Variants in MEIS2 observed in about 807,000 individuals in gnomAD.
MEIS2 encodes Meis homeobox 2.
In MEIS2, 9 loss-of-function variants were observed where a neutral mutation model predicts 58.6. The observed-to-expected ratio is 0.15, with a 90% CI of 0.09 to 0.27. The LOEUF (loss-of-function observed/expected upper bound fraction) is 0.27, where lower values mean the gene tolerates loss of function less well. Ranked by LOEUF, MEIS2 falls within the 10% of genes least tolerant of loss-of-function variation. The pLI, the probability that MEIS2 is intolerant of heterozygous loss-of-function variation, is 1.00. For missense variants in MEIS2, 427 were observed against 635.0 expected, an observed-to-expected ratio of 0.67 and a Z score of 3.52; for synonymous variants, 221 against 228.4, an observed-to-expected ratio of 0.97 and a Z score of 0.29.
chr15:37,089,802 A>ACTTTACATGTAATAT (rs560489793), intron 6 of MEIS2, among the ~76,000 whole-genome samples: 3 of 152,144 alleles, frequency 2.0e-5, no homozygotes, highest in African/African-American at 4.8e-5. Context: ...ATTTGTCTGA[A>ACTTTACATGTAATAT]CTTTACATGT....
intron 7 of MEIS2, among the ~76,000 whole-genome samples, chr15:37,079,036 T>C (rs973023893): frequency 1.3e-5 from 2 of 152,150 alleles, no homozygotes; most frequent in Admixed American, 1.3e-4. Flanking sequence ...CTTCTAATGG[T>C]TACTACTCTA....
chr15:36,902,867 A>G (rs1359966737), intron 9 of MEIS2, among the ~76,000 whole-genome samples: 1 of 152,188 alleles, frequency 6.6e-6, no homozygotes, highest in African/African-American at 2.4e-5. Flanking sequence ...GGCCAGTAAA[A>G]TGTTTTTGTG....
chr15:36,976,306 G>A (rs574742683), intron 8 of MEIS2, among the ~76,000 whole-genome samples: 31 of 151,698 alleles, frequency 2.0e-4, no homozygotes, highest in East Asian at 9.7e-4. Context: ...GGCTGGTCTC[G>A]AACTCCTGAC....
At chr15:36,985,003 T>C (rs1401932279) in intron 8 of MEIS2, among the ~76,000 whole-genome samples, 1 of 152,192 alleles carries the variant, frequency 6.6e-6, no homozygotes, top group Non-Finnish European at 1.5e-5. Context: ...TTGTCAATTT[T>C]GTTCCTTTTC....
At chr15:37,024,867 A>G (rs1485568069) in intron 8 of MEIS2, among the ~76,000 whole-genome samples, 2 of 152,206 alleles carry the variant, frequency 1.3e-5, no homozygotes, top group Non-Finnish European at 2.9e-5. Context: ...ACAAAGAACA[A>G]AGATGCCCAA....
chr15:37,094,509 G>A lies in MEIS2; in HGVS notation c.489+18C>T, dbSNP rs752581256. The A allele has an allele frequency of 3.1e-6, 5 of 1,611,178 alleles. No individual in the cohort carries two copies. In the South Asian group the frequency reaches 4.4e-5, roughly 14 times the overall value. The stretch of plus-strand genomic sequence containing the variant: ...GGAAATGGTTTAATCAACACGGGGA[G>A]CGTTATTTCCTGCTTACCTTTTCTA... On this transcript the variant is annotated intron_variant, in intron 5 of 11. Coordinates refer to ENST00000561208, the MANE Select transcript of MEIS2 (RefSeq NM_170675.5).
chr15:37,049,633 T>G (rs2062825374), intron 7 of MEIS2, among the ~76,000 whole-genome samples: 1 of 151,900 alleles, frequency 6.6e-6, no homozygotes, highest in South Asian at 2.1e-4. Flanking sequence ...ACTACTGGTG[T>G]GCGCCACCAT....
At chr15:36,994,398 C>T (rs538346489) in intron 8 of MEIS2, among the ~76,000 whole-genome samples, 4 of 152,256 alleles carry the variant, frequency 2.6e-5, no homozygotes, top group Middle Eastern at 3.4e-3. Flanking sequence ...TATAATTGGT[C>T]GGATAGTCTT....
chr15:36,954,314 C>A (rs1290325121), intron 8 of MEIS2, among the ~76,000 whole-genome samples: 1 of 151,090 alleles, frequency 6.6e-6, no homozygotes, highest in East Asian at 1.9e-4. Context: ...CAAAAAAAAT[C>A]TGGAAAAATA....
rs2055805789 is a variant in MEIS2, at chr15:36,890,594, A to ATGTAGTAAG, written c.*1578_*1579insCTTACTACA. 6.6e-6 allele frequency: 1 copy of ATGTAGTAAG among 152,186 alleles called. No individual in the cohort carries two copies. The highest frequency in any genetic ancestry group is 3.2e-3 in the Middle Eastern group (1 of 316). 9.4% of individuals were successfully genotyped at this position (152,186 alleles called of 1,614,324 possible). A position where few individuals can be genotyped will look rare whatever the true frequency, so the allele number is the denominator to read the frequency against. On this transcript the variant is annotated 3_prime_UTR_variant, in exon 12 of 12. Coordinates refer to ENST00000561208, the MANE Select transcript of MEIS2 (RefSeq NM_170675.5). The stretch of plus-strand genomic sequence containing the variant: ...TATGTAAATTTTCATTTACATATCC[A>ATGTAGTAAG]ACAATATTGTAGTAAGACAGGCAGA...
At chr15:37,072,642 A>G (rs2141878408) in intron 7 of MEIS2, among the ~76,000 whole-genome samples, 1 of 152,262 alleles carries the variant, frequency 6.6e-6, no homozygotes, top group African/African-American at 2.4e-5. Context: ...TTCCATTTGG[A>G]AACACCCACT....
intron 8 of MEIS2, among the ~76,000 whole-genome samples, chr15:37,022,991 T>G (rs2061576195): frequency 6.6e-6 from 1 of 152,184 alleles, no homozygotes; most frequent in Non-Finnish European, 1.5e-5. Context: ...GTACAATGCT[T>G]TATTTATTAG....
intron 11 of MEIS2, chr15:36,894,536 A>G (rs1040708379): frequency 2.1e-6 from 1 of 478,740 alleles, no homozygotes; most frequent in Non-Finnish European, 3.7e-6. Flanking sequence ...GGCCTTTTCA[A>G]AAGTGCACAT....
chr15:36,910,692 TACCCCAAATATGAC>T (rs1395363659), intron 9 of MEIS2, among the ~76,000 whole-genome samples: 1 of 152,172 alleles, frequency 6.6e-6, no homozygotes, highest in East Asian at 1.9e-4. Context: ...ACCCCATGAC[TACCCCAAATATGAC>T]ACCTTGACCC....
chr15:36,993,237 T>C (rs55936691), intron 8 of MEIS2, among the ~76,000 whole-genome samples: 2,135 of 152,232 alleles, frequency 0.014, 59 homozygotes, highest in African/African-American at 0.048. Flanking sequence ...TCTAGAATCT[T>C]TTTCTATTTT....
chr15:37,050,095 A>G (rs1257673865), intron 7 of MEIS2, among the ~76,000 whole-genome samples: 2 of 151,948 alleles, frequency 1.3e-5, no homozygotes, highest in Non-Finnish European at 2.9e-5. Context: ...ATCCTTCTCC[A>G]CTCTCAATTC....
intron 8 of MEIS2, among the ~76,000 whole-genome samples, chr15:36,966,686 GAATTTAT>G (rs2059369474): frequency 6.6e-6 from 1 of 152,138 alleles, no homozygotes; most frequent in Non-Finnish European, 1.5e-5. Flanking sequence ...TGACCTCATG[GAATTTAT>G]ATTCTGGCAA....
chr15:36,959,052 G>A (rs538442007), intron 8 of MEIS2, among the ~76,000 whole-genome samples: 1 of 152,252 alleles, frequency 6.6e-6, no homozygotes, highest in African/African-American at 2.4e-5. Flanking sequence ...ACCTAGAGAG[G>A]ATATTAGCGG....
intron 8 of MEIS2, among the ~76,000 whole-genome samples, chr15:36,988,065 G>A (rs1210415753): frequency 6.6e-6 from 1 of 152,166 alleles, no homozygotes; most frequent in Non-Finnish European, 1.5e-5. Flanking sequence ...GAGGACTATA[G>A]TTAATCATGT....
Sources: allele counts gnomAD v4.1 joint callset (sites outside exome capture counted in the v4.1 genomes callset), GRCh38; gene constraint gnomAD v4.1.1; transcripts MANE v1.5; gene names NCBI Gene and HGNC (gene_info 2026-07-23, HGNC 2026-07-21).